The following IMMP2L variants were observed in gnomAD, a reference collection of about 807,000 sequenced individuals.
The protein encoded by IMMP2L is inner mitochondrial membrane peptidase subunit 2.
Under a neutral mutation model 19.3 loss-of-function variants are expected in IMMP2L, and 18 were observed. That is an observed-to-expected ratio of 0.93 (90% CI 0.64 to 1.38). The LOEUF is 1.38. Among genes scored for constraint, IMMP2L ranks in the 40% most tolerant of loss-of-function variants. The probability of loss-of-function intolerance (pLI) is 0.00; values close to 1 mark genes in which losing one functional copy is unlikely to be tolerated. For synonymous variants in IMMP2L, 76 were observed against 73.0 expected, an observed-to-expected ratio of 1.04 and a Z score of -0.21; for missense variants, 233 against 218.2, an observed-to-expected ratio of 1.07 and a Z score of -0.43.
chr7:111,217,829 T>C (rs540811208), intron 3 of IMMP2L, among the ~76,000 whole-genome samples: 29 of 152,170 alleles, frequency 1.9e-4, no homozygotes, highest in African/African-American at 6.7e-4. Context: ...TCATCTTCCC[T>C]ATATATTCTA....
chr7:110,946,718 CT>C lies in IMMP2L; in HGVS notation c.305+16781del, dbSNP rs754971058. 1.3e-3 allele frequency among the ~76,000 whole-genome samples: 147 copies of C among 114,156 alleles called. 1 individual carries two copies. Among genetic ancestry groups the C allele is most frequent in the African/African-American group, 2.3e-3 (66 of 28,608 alleles). The allele number at this position is 114,156 out of a possible 152,430, so 74.9% of individuals were successfully genotyped here. ...AAACTGTTAAGAAAACATTTAATAC[CT>C]TTTTTTTTTTTTTTTTTTTGAGACG... On this transcript the variant is annotated intron_variant, in intron 4 of 5. Coordinates refer to ENST00000405709, the MANE Select transcript of IMMP2L (RefSeq NM_032549.4).
intron 4 of IMMP2L, among the ~76,000 whole-genome samples, chr7:110,891,106 G>T (rs1464156205): frequency 6.6e-6 from 1 of 151,538 alleles, no homozygotes; most frequent in Non-Finnish European, 1.5e-5. Context: ...CTGCCCTGAG[G>T]ATGTTTACTG....
intron 5 of IMMP2L, among the ~76,000 whole-genome samples, chr7:110,756,948 C>T (rs1032018204): frequency 2.0e-5 from 3 of 151,964 alleles, no homozygotes; most frequent in African/African-American, 7.2e-5. Context: ...ATGGTTTATA[C>T]ATTTTATTTG....
intron 3 of IMMP2L, among the ~76,000 whole-genome samples, chr7:111,426,286 C>T (rs1459595929): frequency 6.6e-6 from 1 of 151,114 alleles, no homozygotes; most frequent in African/African-American, 2.4e-5. Flanking sequence ...GAAGATTCTG[C>T]AATCTTTTCA....
intron 3 of IMMP2L, among the ~76,000 whole-genome samples, chr7:111,477,066 T>C (rs1841787656): frequency 6.6e-6 from 1 of 152,204 alleles, no homozygotes. Flanking sequence ...AATTATTACA[T>C]TTAGCTCATA....
intron 5 of IMMP2L, among the ~76,000 whole-genome samples, chr7:110,808,515 A>T (rs906417059): frequency 2.0e-5 from 3 of 152,208 alleles, no homozygotes; most frequent in Admixed American, 6.5e-5. Flanking sequence ...TATAAAACAT[A>T]TGGCACAAGA....
chr7:111,326,213 T>C (rs1825301227), intron 3 of IMMP2L, among the ~76,000 whole-genome samples: 1 of 151,788 alleles, frequency 6.6e-6, no homozygotes, highest in South Asian at 2.1e-4. Context: ...TTCATCATAA[T>C]ACCTCAATTG....
chr7:111,121,867 G>A (rs987766221), intron 3 of IMMP2L, among the ~76,000 whole-genome samples: 2 of 152,090 alleles, frequency 1.3e-5, no homozygotes, highest in Admixed American at 1.3e-4. Context: ...AGAAAATGTG[G>A]CAAATATACA....
intron 4 of IMMP2L, among the ~76,000 whole-genome samples, chr7:110,950,582 T>C (rs1307805220): frequency 6.6e-6 from 1 of 151,610 alleles, no homozygotes; most frequent in African/African-American, 2.4e-5. Context: ...TGGATATATA[T>C]CCAAAAAAAT....
intron 3 of IMMP2L, among the ~76,000 whole-genome samples, chr7:111,348,334 A>G (rs1231329377): frequency 1.3e-5 from 2 of 152,092 alleles, no homozygotes; most frequent in Non-Finnish European, 2.9e-5. Flanking sequence ...AATACTTCTA[A>G]AGTGCTTATA....
chr7:111,123,556 C>G lies in IMMP2L; in HGVS notation c.240-159991G>C, dbSNP rs1311584336. On this transcript the variant is annotated intron_variant, in intron 3 of 5. Coordinates refer to ENST00000405709, the MANE Select transcript of IMMP2L (RefSeq NM_032549.4). The surrounding 1 kb of genome is among the most constrained non-coding windows in gnomAD (Gnocchi z 6.4). ...TGTTGCTCTTCAAAAAGTTGTAAATCTCAAATTTTTGGATCTAAATAAAAA... is the reference window on the plus strand; with the variant it reads ...TGTTGCTCTTCAAAAAGTTGTAAATGTCAAATTTTTGGATCTAAATAAAAA... 6.2e-7 allele frequency: 1 copy of G among 1,613,586 alleles called. No individual in the cohort carries two copies. Among genetic ancestry groups the G allele is most frequent in the Non-Finnish European group, 8.5e-7 (1 of 1,179,860 alleles).
At chr7:111,539,224 AAGAAAGAAAGAAAGAAAGAAAGAAAG>A (rs1848273756) in intron 1 of IMMP2L, among the ~76,000 whole-genome samples, 1 of 123,860 alleles carries the variant, frequency 8.1e-6, no homozygotes, top group African/African-American at 3.4e-5. Context: ...GAAAGAAAGA[AAGAAAGAAAGAAAGAAAGAAAGAAAG>A]AAAGAAAGAA....
intron 3 of IMMP2L, among the ~76,000 whole-genome samples, chr7:111,137,541 A>G (rs1802466751): frequency 6.6e-6 from 1 of 152,210 alleles, no homozygotes; most frequent in Non-Finnish European, 1.5e-5. Flanking sequence ...AAAGGCAAAT[A>G]TAATAATCAA....
At chr7:111,059,599 T>C (rs991921591) in intron 3 of IMMP2L, among the ~76,000 whole-genome samples, 2 of 152,198 alleles carry the variant, frequency 1.3e-5, no homozygotes, top group Non-Finnish European at 2.9e-5. Flanking sequence ...ACTAAAATAG[T>C]GGCTAAAACA....
chr7:110,792,581 C>T (rs2131157137), intron 5 of IMMP2L, among the ~76,000 whole-genome samples: 1 of 152,220 alleles, frequency 6.6e-6, no homozygotes, highest in African/African-American at 2.4e-5. Context: ...ATACTTCGAT[C>T]TCCCCCACAG....
At chr7:111,086,363 C>T (rs952838647) in intron 3 of IMMP2L, among the ~76,000 whole-genome samples, 5 of 151,940 alleles carry the variant, frequency 3.3e-5, no homozygotes, top group African/African-American at 1.2e-4. Flanking sequence ...ACATTTGAGC[C>T]CAGGATTTCG....
intron 3 of IMMP2L, among the ~76,000 whole-genome samples, chr7:111,361,563 G>A (rs1227585370): frequency 6.6e-6 from 1 of 152,056 alleles, no homozygotes; most frequent in Non-Finnish European, 1.5e-5. Flanking sequence ...AATTATATCT[G>A]TCTTGTTCTA....
At chr7:110,902,077 A>G (rs1261892843) in intron 4 of IMMP2L, among the ~76,000 whole-genome samples, 1 of 152,098 alleles carries the variant, frequency 6.6e-6, no homozygotes, top group Non-Finnish European at 1.5e-5. Context: ...AATTCTATCA[A>G]GTCAACTCAG....
chr7:110,827,600 C>A (rs902865401), intron 5 of IMMP2L, among the ~76,000 whole-genome samples: 1 of 152,118 alleles, frequency 6.6e-6, no homozygotes, highest in Non-Finnish European at 1.5e-5. Context: ...TGTAACAGTA[C>A]TTTGTACAAA....
Sources: gnomAD v4.1 joint callset for allele counts (sites outside exome capture counted in the v4.1 genomes callset) on GRCh38, gnomAD v4.1.1 for gene constraint, Gnocchi (gnomAD v3.1) non-coding constraint, MANE v1.5 for transcripts, NCBI Gene and HGNC (gene_info 2026-07-23, HGNC 2026-07-21) for gene names.